UVSSA: variants seen among roughly 807,000 people sequenced by gnomAD.
UVSSA encodes UV-stimulated scaffold protein A.
UVSSA carries 72 observed loss-of-function variants against 73.9 expected under a neutral mutation model. That is an observed-to-expected ratio of 0.97 (90% CI 0.81 to 1.19). UVSSA has a LOEUF of 1.19. UVSSA is among the 50% of genes most tolerant of loss of function. The probability of loss-of-function intolerance (pLI) is 0.00; values close to 1 mark genes in which losing one functional copy is unlikely to be tolerated. For missense variants in UVSSA, 1,150 were observed against 965.0 expected, an observed-to-expected ratio of 1.19 and a Z score of -2.54; for synonymous variants, 454 against 391.3, an observed-to-expected ratio of 1.16 and a Z score of -1.89.
intron 5 of UVSSA, 133 bp downstream of exon 5, chr4:1,353,546 A>T: frequency 1.6e-6 from 2 of 1,259,986 alleles, no homozygotes; most frequent in South Asian, 1.7e-5. Context: ...AGGGGTCACC[A>T]CCAGGTTTTT....
At chr4:1,395,384 G>A (rs1720520675) in exon 14 of UVSSA, 3 of 1,559,888 alleles carry the variant, frequency 1.9e-6, no homozygotes, top group East Asian at 2.3e-5. Flanking sequence ...GTGCCCGCCT[G>A]CTCACACGTG....
intron 8 of UVSSA, among the ~76,000 whole-genome samples, chr4:1,366,987 T>G (rs1577337607): frequency 6.6e-6 from 1 of 152,020 alleles, no homozygotes; most frequent in African/African-American, 2.4e-5. Flanking sequence ...TGCTGGCAGG[T>G]GGGAGGGGCC....
chr4:1,353,883 G>A (rs1715207054), intron 5 of UVSSA, among the ~76,000 whole-genome samples: 1 of 152,154 alleles, frequency 6.6e-6, no homozygotes, highest in South Asian at 2.1e-4. Context: ...TCCAGAAATG[G>A]CCACGGGCAG....
intron 2 of UVSSA, among the ~76,000 whole-genome samples, chr4:1,348,959 G>A (rs1286587295): frequency 2.0e-5 from 3 of 152,054 alleles, no homozygotes; most frequent in Non-Finnish European, 2.9e-5. Flanking sequence ...GCTGGGCGGT[G>A]TGCGTTGTGC....
At chr4:1,377,035 AAACACC>A (rs1718859213) in intron 10 of UVSSA, among the ~76,000 whole-genome samples, 1 of 152,212 alleles carries the variant, frequency 6.6e-6, no homozygotes, top group Non-Finnish European at 1.5e-5. Context: ...CTGCCTGTGC[AAACACC>A]GTAACCACTA....
chr4:1,370,648 G>T (rs1717919028), intron 8 of UVSSA, among the ~76,000 whole-genome samples: 1 of 152,084 alleles, frequency 6.6e-6, no homozygotes, highest in African/African-American at 2.4e-5. Flanking sequence ...GTAGATGGTG[G>T]GTGTGACTGG....
At chr4:1,394,407 T>G in exon 14 of UVSSA, 1 of 1,552,192 alleles carries the variant, frequency 6.4e-7, no homozygotes, top group South Asian at 1.2e-5. Flanking sequence ...GGTTTCATTT[T>G]CATATTGAAA....
exon 14 of UVSSA, chr4:1,394,607 C>T (rs915934507): frequency 1.4e-6 from 2 of 1,480,504 alleles, no homozygotes; most frequent in South Asian, 1.2e-5. Context: ...ATGTGGAGTG[C>T]CCGCCTGCTC....
intron 12 of UVSSA, among the ~76,000 whole-genome samples, chr4:1,382,068 A>G (rs1421051788): frequency 3.9e-5 from 6 of 152,118 alleles, no homozygotes; most frequent in Non-Finnish European, 1.5e-5. Context: ...ATCCCTTCCA[A>G]GCTGTCTCTG....
At chr4:1,355,930 G>C (rs921179067) in intron 7 of UVSSA, among the ~76,000 whole-genome samples, 6 of 152,268 alleles carry the variant, frequency 3.9e-5, no homozygotes, top group South Asian at 2.1e-4. Context: ...TGAACTGGCT[G>C]AGCATGGAAT....
exon 14 of UVSSA, chr4:1,393,565 A>ATAGATAGAT (rs1321956303): frequency 2.3e-5 from 3 of 132,870 alleles, no homozygotes; most frequent in African/African-American, 5.7e-5. Flanking sequence ...AACTAGATAG[A>ATAGATAGAT]TAGATAGATT....
At position 1,380,938 on chromosome 4, in the gene UVSSA, A is replaced by T. The variant is rs777327602; in HGVS notation, c.1811A>T (p.Glu604Val). ...RDDEGRPLDPEDRAREQRRQL... is the reference protein window; with the variant it reads ...RDDEGRPLDPVDRAREQRRQL... ...GACGAAGGACGGCCGCTCGACCCGGAAGACAGGGCTCGTGAGCAGCGGCGG... is the reference window on the plus strand; with the variant it reads ...GACGAAGGACGGCCGCTCGACCCGGTAGACAGGGCTCGTGAGCAGCGGCGG... Residue 604 changes from glutamate to valine, a missense_variant, in exon 12 of 14, where the codon GAA becomes GTA. Glu to Val is a moderately radical substitution (Grantham distance 121). Coordinates refer to ENST00000389851, the MANE Select transcript of UVSSA (RefSeq NM_020894.4). 4 of 1,612,920 alleles carry T rather than the reference A, an allele frequency of 2.5e-6. No individual in the cohort carries two copies. Among genetic ancestry groups the T allele is most frequent in the Non-Finnish European group, 2.5e-6 (3 of 1,179,970 alleles).
intron 8 of UVSSA, among the ~76,000 whole-genome samples, chr4:1,372,168 C>T (rs1458137901): frequency 1.3e-5 from 2 of 152,106 alleles, no homozygotes; most frequent in Non-Finnish European, 2.9e-5. Context: ...CTTTTTTCGT[C>T]CCTTTATTTT....
chr4:1,377,391 T>C (rs1718905018), intron 10 of UVSSA, among the ~76,000 whole-genome samples: 1 of 152,042 alleles, frequency 6.6e-6, no homozygotes, highest in Non-Finnish European at 1.5e-5. Flanking sequence ...GAGGGCCCCG[T>C]CCTCAGGGCT....
exon 14 of UVSSA, chr4:1,395,566 G>T: frequency 6.3e-7 from 1 of 1,596,594 alleles, no homozygotes; most frequent in South Asian, 1.1e-5. Context: ...TGGAGTGCCC[G>T]CCTGCTCACA....
downstream of UVSSA, chr4:1,388,839 G>T (rs190278876): frequency 6.1e-4 from 93 of 152,218 alleles, no homozygotes; most frequent in African/African-American, 2.2e-3. Flanking sequence ...TTTCTATGCT[G>T]CTGGCTTTGG....
chr4:1,390,651 A>C (rs994301552), downstream of UVSSA: 3 of 152,268 alleles, frequency 2.0e-5, no homozygotes, highest in Admixed American at 2.0e-4. Context: ...CTCGTCTTTT[A>C]TATGTATTGA....
intron 10 of UVSSA, among the ~76,000 whole-genome samples, chr4:1,376,720 G>A (rs936415194): frequency 2.0e-5 from 3 of 152,210 alleles, no homozygotes; most frequent in Admixed American, 2.0e-4. Flanking sequence ...AGTCCGGACC[G>A]TTGGGCCTCA....
In UVSSA at chr4:1,380,903, T is replaced by G; in HGVS notation, c.1776T>G (p.Val592=). 6.2e-7 allele frequency: 1 copy of G among 1,612,988 alleles called. No individual in the cohort carries two copies. Among genetic ancestry groups the G allele is most frequent in the South Asian group, 1.1e-5 (1 of 91,068 alleles). The change falls in exon 12 of 14, where the codon GTT becomes GTG. Residue 592 remains valine (V), a synonymous_variant. Coordinates refer to ENST00000389851, the MANE Select transcript of UVSSA (RefSeq NM_020894.4). ...RLKCPFHGKI[V]PRDDEGRPLD... ...AGTGCCCTTTCCATGGGAAGATTGT[T>G]CCACGGGACGACGAAGGACGGCCGC...
Sources: allele counts gnomAD v4.1 joint callset (sites outside exome capture counted in the v4.1 genomes callset), GRCh38; gene constraint gnomAD v4.1.1; transcripts MANE v1.5; gene names NCBI Gene and HGNC (gene_info 2026-07-23, HGNC 2026-07-21).